The following DPP10 variants were observed in gnomAD, a reference collection of about 807,000 sequenced individuals.
The protein encoded by DPP10 is dipeptidyl peptidase like 10, also known as inactive dipeptidyl peptidase 10.
Under a neutral mutation model 120.9 loss-of-function variants are expected in DPP10, and 33 were observed. The observed-to-expected ratio is 0.27, with a 90% CI of 0.21 to 0.37. DPP10 has a LOEUF of 0.37. Ranked by LOEUF, DPP10 falls within the 10% of genes least tolerant of loss-of-function variation. The probability of loss-of-function intolerance (pLI) is 1.00; values close to 1 mark genes in which losing one functional copy is unlikely to be tolerated. For synonymous variants in DPP10, 337 were observed against 326.1 expected (o/e 1.03, Z -0.36); for missense variants, 816 against 942.8 (o/e 0.87, Z 1.76).
At chr2:115,596,545 A>G (rs1054982863) in intron 5 of DPP10, among the ~76,000 whole-genome samples, 2 of 152,160 alleles carry the variant, frequency 1.3e-5, no homozygotes, top group African/African-American at 4.8e-5. Context: ...TCTCTCCAGT[A>G]TTTTAGACTA....
chr2:115,781,035 C>A, intron 16 of DPP10, 40 bp downstream of exon 16: 1 of 1,477,976 alleles, frequency 6.8e-7, no homozygotes, highest in South Asian at 1.3e-5. Flanking sequence ...ATATTTTATT[C>A]ATTGTATTTG....
intron 5 of DPP10, among the ~76,000 whole-genome samples, chr2:115,532,200 C>T (rs947112938): frequency 1.3e-5 from 2 of 152,012 alleles, no homozygotes; most frequent in African/African-American, 2.4e-5. Context: ...GTGCATCTGC[C>T]GTGGAAGTGT....
intron 5 of DPP10, among the ~76,000 whole-genome samples, chr2:115,588,947 A>G (rs992895358): frequency 1.3e-5 from 2 of 152,216 alleles, no homozygotes; most frequent in Non-Finnish European, 2.9e-5. Flanking sequence ...GGAAAAATGT[A>G]TGGATCTGAT....
intron 5 of DPP10, among the ~76,000 whole-genome samples, chr2:115,610,226 A>AC (rs1035893908): frequency 1.0e-4 from 15 of 150,688 alleles, no homozygotes; most frequent in South Asian, 4.2e-4. Context: ...AGTTCCCCTC[A>AC]CCCCCCCATG....
chr2:114,620,065 A>T (rs1182771929), intron 1 of DPP10, among the ~76,000 whole-genome samples: 1 of 151,986 alleles, frequency 6.6e-6, no homozygotes, highest in Non-Finnish European at 1.5e-5. Flanking sequence ...TCTACAACTT[A>T]TTATGTTAAA....
intron 1 of DPP10, among the ~76,000 whole-genome samples, chr2:115,107,074 CA>C (rs1356741088): frequency 0.026 from 2,098 of 81,200 alleles, 28 homozygotes; most frequent in African/African-American, 0.071. Flanking sequence ...GGCTCTGTCT[CA>C]AAAAAAAAAA....
intron 1 of DPP10, among the ~76,000 whole-genome samples, chr2:115,299,426 A>T (rs1287666270): frequency 6.6e-6 from 1 of 151,968 alleles, no homozygotes; most frequent in Non-Finnish European, 1.5e-5. Flanking sequence ...AAAGGATTGG[A>T]ATGCTGATAA....
At chr2:114,994,882 G>T (rs1292668658) in intron 1 of DPP10, among the ~76,000 whole-genome samples, 1 of 151,996 alleles carries the variant, frequency 6.6e-6, no homozygotes, top group Non-Finnish European at 1.5e-5. Context: ...TTCTAATATT[G>T]CACTTGCCAT....
intron 1 of DPP10, among the ~76,000 whole-genome samples, chr2:114,767,341 G>T (rs1221947979): frequency 6.7e-6 from 1 of 148,516 alleles, no homozygotes. Context: ...TGAAAGTGGT[G>T]CTAAGAGACA....
chr2:114,901,785 C>A lies in DPP10; in HGVS notation c.61-407454C>A, dbSNP rs1410156584. ...AGTGAAAATTTTAAAGAAGTGGGAT[C>A]AAGAACCTTAAGCTCTTTCTTCAAA... On this transcript the variant is annotated intron_variant, in intron 1 of 25. Coordinates refer to ENST00000410059, the MANE Select transcript of DPP10 (RefSeq NM_020868.6). Among the ~76,000 whole-genome samples the A allele has an allele frequency of 3.3e-5, 5 of 152,292 alleles. No individual in the cohort carries two copies. The East Asian group carries it at 7.7e-4, about 24-fold the overall frequency.
chr2:114,591,317 A>G (rs1435190441), intron 1 of DPP10, among the ~76,000 whole-genome samples: 1 of 152,214 alleles, frequency 6.6e-6, no homozygotes, highest in African/African-American at 2.4e-5. Flanking sequence ...TGACTCTAGC[A>G]GTAGTATGGA....
At chr2:115,435,051 C>T (rs988714423) in intron 3 of DPP10, among the ~76,000 whole-genome samples, 17 of 148,194 alleles carry the variant, frequency 1.1e-4, no homozygotes, top group South Asian at 4.3e-4. Flanking sequence ...CACATGCACA[C>T]ATATATATAT....
At chr2:114,616,323 A>G (rs1444706927) in intron 1 of DPP10, among the ~76,000 whole-genome samples, 1 of 152,100 alleles carries the variant, frequency 6.6e-6, no homozygotes, top group East Asian at 1.9e-4. Flanking sequence ...CGTTGGGCCA[A>G]TGAGGAGACA....
At chr2:114,782,814 A>G (rs1022886954) in intron 1 of DPP10, among the ~76,000 whole-genome samples, 1 of 152,158 alleles carries the variant, frequency 6.6e-6, no homozygotes, top group East Asian at 1.9e-4. Flanking sequence ...TTGTTTCAGT[A>G]ATTTCACATA....
At chr2:114,825,082 G>T (rs1235800404) in intron 1 of DPP10, among the ~76,000 whole-genome samples, 2 of 152,164 alleles carry the variant, frequency 1.3e-5, no homozygotes, top group Admixed American at 6.5e-5. Flanking sequence ...CAAATGAAAA[G>T]GAATGCAGTT....
chr2:115,345,404 C>A (rs1004039174), intron 3 of DPP10, among the ~76,000 whole-genome samples: 11 of 152,134 alleles, frequency 7.2e-5, no homozygotes, highest in African/African-American at 2.4e-4. Context: ...ACAAATCTCT[C>A]ATAAATAATT....
At chr2:115,363,432 G>A (rs2064902088) in intron 3 of DPP10, among the ~76,000 whole-genome samples, 2 of 152,166 alleles carry the variant, frequency 1.3e-5, no homozygotes, top group Admixed American at 1.3e-4. Flanking sequence ...GGCATCAGTG[G>A]TCTGAACCAT....
chr2:114,527,042 A>C (rs1430959464), intron 1 of DPP10, among the ~76,000 whole-genome samples: 1 of 151,690 alleles, frequency 6.6e-6, no homozygotes, highest in East Asian at 1.9e-4. Flanking sequence ...CATAATTTAC[A>C]CTCCCTTTTC....
chr2:114,677,498 T>C (rs1698745452), intron 1 of DPP10, among the ~76,000 whole-genome samples: 1 of 152,156 alleles, frequency 6.6e-6, no homozygotes, highest in South Asian at 2.1e-4. Flanking sequence ...TCTGCTTTTC[T>C]ATGCTGAGTG....
Sources: gnomAD v4.1 joint callset for allele counts (sites outside exome capture counted in the v4.1 genomes callset) on GRCh38, gnomAD v4.1.1 for gene constraint, MANE v1.5 for transcripts, NCBI Gene and HGNC (gene_info 2026-07-23, HGNC 2026-07-21) for gene names.